Variants in AP1S2 observed in about 807,000 individuals in gnomAD.
The protein encoded by AP1S2 is AP-1 complex subunit sigma-2.
A neutral mutation model predicts 14.3 loss-of-function variants in AP1S2; 1 was observed. That is an observed-to-expected ratio of 0.07 (90% CI 0.02 to 0.33). The LOEUF is 0.33. Ranked by LOEUF, AP1S2 falls within the 10% of genes least tolerant of loss-of-function variation. The pLI, the probability that AP1S2 is intolerant of heterozygous loss-of-function variation, is 0.99. For missense variants in AP1S2, 30 were observed against 117.7 expected (o/e 0.25, Z 3.45); for synonymous variants, 30 against 40.5 (o/e 0.74, Z 0.99).
chrX:15,834,569 G>A (rs1278325773), intron 4 of AP1S2, among the ~76,000 whole-genome samples: 51 of 93,581 alleles, frequency 5.4e-4, no homozygotes, highest in African/African-American at 1.9e-3. Flanking sequence ...TCCACCTCAC[G>A]GGTTCAAGCG....
chrX:15,837,750 G>A (rs1423880073), intron 4 of AP1S2, among the ~76,000 whole-genome samples: 2 of 108,917 alleles, frequency 1.8e-5, no homozygotes, highest in Non-Finnish European at 3.8e-5. Flanking sequence ...GGGATTACAG[G>A]CACGCACCAC....
At chrX:15,846,400 G>A (rs1414839632) in intron 2 of AP1S2, among the ~76,000 whole-genome samples, 2 of 111,865 alleles carry the variant, frequency 1.8e-5, no homozygotes, top group Non-Finnish European at 3.8e-5. Flanking sequence ...ACTGAAGGAG[G>A]ACTTGTTGAG....
chrX:15,837,885 G>A (rs183783075), intron 4 of AP1S2, among the ~76,000 whole-genome samples: 93 of 111,173 alleles, frequency 8.4e-4, no homozygotes, highest in African/African-American at 3.0e-3. Flanking sequence ...GATTACAGGC[G>A]TGAGCCACCG....
chrX:15,850,881 A>G (rs1934155462), intron 2 of AP1S2, among the ~76,000 whole-genome samples: 2 of 111,516 alleles, frequency 1.8e-5, no homozygotes, highest in South Asian at 7.4e-4. Context: ...TTGCAGCCCC[A>G]TGTCAATCAC....
intron 4 of AP1S2, 185 bp downstream of exon 4, chrX:15,845,194 C>G (rs1181283705): frequency 1.3e-6 from 1 of 752,231 alleles, no homozygotes; most frequent in African/African-American, 2.3e-5. Context: ...CAAACTGAAC[C>G]ATCCATCCAT....
chrX:15,854,597 CGGGGCGCGCGCGGGGTGGCGG>C, intron 1 of AP1S2, 70 bp downstream of exon 1: 1 of 380,558 alleles, frequency 2.6e-6, no homozygotes, highest in Non-Finnish European at 3.4e-6. Context: ...GTGGGGTCGT[CGGGGCGCGCGCGGGGTGGCGG>C]GGGGCGCGCC....
intron 2 of AP1S2, among the ~76,000 whole-genome samples, chrX:15,850,871 T>G (rs1480615022): frequency 2.7e-5 from 3 of 111,528 alleles, no homozygotes; most frequent in African/African-American, 6.5e-5. Flanking sequence ...AAGATCTGAG[T>G]TGCAGCCCCA....
chrX:15,837,879 A>G (rs1452325412), intron 4 of AP1S2, among the ~76,000 whole-genome samples: 1 of 111,106 alleles, frequency 9.0e-6, no homozygotes, highest in Admixed American at 9.5e-5. Flanking sequence ...TGCTGGGATT[A>G]CAGGCGTGAG....
chrX:15,833,990 G>T (rs1025223754), intron 4 of AP1S2, among the ~76,000 whole-genome samples: 1 of 111,350 alleles, frequency 9.0e-6, no homozygotes, highest in Non-Finnish European at 1.9e-5. Flanking sequence ...GGGAATAAAG[G>T]TCAGAATGAA....
intron 4 of AP1S2, among the ~76,000 whole-genome samples, chrX:15,828,784 G>T (rs751682764): frequency 9.1e-6 from 1 of 109,418 alleles, no homozygotes; most frequent in Non-Finnish European, 1.9e-5. Context: ...AAAAAAAATG[G>T]CAAGGCGGGA....
chrX:15,833,266 AC>A (rs1933491708), intron 4 of AP1S2: 1 of 753,101 alleles, frequency 1.3e-6, no homozygotes, highest in Non-Finnish European at 1.6e-6. Context: ...CAGGAGACTT[AC>A]TATGAACTAC....
intron 4 of AP1S2, among the ~76,000 whole-genome samples, chrX:15,839,613 T>C (rs6632748): frequency 2.8e-5 from 3 of 108,569 alleles, no homozygotes; most frequent in African/African-American, 1.0e-4. Flanking sequence ...CCCAATTAGC[T>C]TGGACTACAG....
chrX:15,849,999 T>A (rs1170838200), intron 2 of AP1S2, among the ~76,000 whole-genome samples: 1 of 112,047 alleles, frequency 8.9e-6, no homozygotes, highest in Admixed American at 9.5e-5. Flanking sequence ...GCAAAGGGCA[T>A]TATATGAAAT....
chrX:15,834,481 A>ATATATATATATT (rs1569080380), intron 4 of AP1S2, among the ~76,000 whole-genome samples: 3 of 13,017 alleles, frequency 2.3e-4, no homozygotes, highest in African/African-American at 4.1e-4. Context: ...TATATATATA[A>ATATATATATATT]TTTTTTTTTT....
intron 4 of AP1S2, chrX:15,829,940 G>T: frequency 4.9e-6 from 1 of 202,276 alleles, no homozygotes; most frequent in Non-Finnish European, 7.4e-6. Context: ...TGCGTAAGAT[G>T]GTGAATTCTG....
rs61741688 is a variant in AP1S2 at position 15,845,903 on chromosome X, A to G, written c.288T>C (p.Ser96=). The G allele has an allele frequency of 2.9e-3, 3,462 of 1,190,496 alleles. 50 individuals are homozygous for G. The African/African-American group carries it at 0.048, about 16-fold the overall frequency. The change falls in exon 3 of 6, where the codon AGT becomes AGC. Residue 96 remains serine, a splice_region_variant and synonymous_variant. Coordinates refer to ENST00000672987, the MANE Select transcript of AP1S2 (RefSeq NM_001272071.2). ...YVELLDKYFG[S]VCELDIIFNF... is the part of the protein sequence containing the mutation. Reference sequence around the variant, plus strand: ...TTTCCTAAAATAAAATACTACTCACACTGCCGAAATACTTGTCAAGTAATT... The same window carrying G: ...TTTCCTAAAATAAAATACTACTCACGCTGCCGAAATACTTGTCAAGTAATT...
intron 4 of AP1S2, among the ~76,000 whole-genome samples, chrX:15,840,872 T>C (rs1347759684): frequency 8.9e-6 from 1 of 112,140 alleles, no homozygotes; most frequent in Non-Finnish European, 1.9e-5. Flanking sequence ...CAGCCAAACA[T>C]TAAAAAATGG....
At position 15,848,620 on chromosome X, in the gene AP1S2, CAAT is replaced by C. The variant is rs764483318; in HGVS notation, c.180-2612_180-2610del. ...TAGGACCAAATGGTTTTAAAAAAATCAATAATGAGCTCATTTTGTTCTCTTAGT... is the reference window on the plus strand; with the variant it reads ...TAGGACCAAATGGTTTTAAAAAAATCAATGAGCTCATTTTGTTCTCTTAGT... On this transcript the variant is annotated intron_variant, in intron 2 of 5. Transcript: ENST00000672987. 5.4e-5 allele frequency among the ~76,000 whole-genome samples: 6 copies of C among 111,885 alleles called. No homozygotes were observed. In the South Asian group the frequency reaches 2.2e-3, roughly 42 times the overall value.
At position 15,839,498 on chromosome X, in the gene AP1S2, G is replaced by A. The variant is rs73202857; in HGVS notation, c.426+5881C>T. The stretch of plus-strand genomic sequence containing the variant: ...CCTCCCTCCTTCCTTCCTTCCTTTC[G>A]GCAAAGTTTCGTTCTGTGGCCACCC... On this transcript the variant is annotated intron_variant, in intron 4 of 5. Coordinates refer to ENST00000672987, the MANE Select transcript of AP1S2 (RefSeq NM_001272071.2). 9.2e-3 allele frequency among the ~76,000 whole-genome samples: 914 copies of A among 99,799 alleles called. 7 individuals are homozygous for A. Among genetic ancestry groups the A allele is most frequent in the Non-Finnish European group, 0.016 (777 of 50,043 alleles). The allele number at this position is 99,799 out of a possible 115,157, so 86.7% of individuals were successfully genotyped here. A position where few individuals can be genotyped will look rare whatever the true frequency, so the allele number is the denominator to read the frequency against.
Sources: gnomAD v4.1 joint callset for allele counts (sites outside exome capture counted in the v4.1 genomes callset) on GRCh38, gnomAD v4.1.1 for gene constraint, MANE v1.5 for transcripts, NCBI Gene and HGNC (gene_info 2026-07-23, HGNC 2026-07-21) for gene names.